Variants in POLQ observed in about 807,000 individuals in gnomAD.
The protein encoded by POLQ is DNA polymerase theta, also known as epididymis secretory sperm binding protein.
Under a neutral mutation model 259.2 loss-of-function variants are expected in POLQ, and 233 were observed. That is an observed-to-expected ratio of 0.90 (90% CI 0.81 to 1.00). The LOEUF (loss-of-function observed/expected upper bound fraction) is 1.00, where lower values mean the gene tolerates loss of function less well. Ranked by LOEUF, POLQ falls within the 50% of genes least tolerant of loss-of-function variation. The pLI is 0.00. For synonymous variants in POLQ, 1,025 were observed against 1,048.8 expected, an observed-to-expected ratio of 0.98 and a Z score of 0.44; for missense variants, 2,871 against 3,051.6, an observed-to-expected ratio of 0.94 and a Z score of 1.39.
chr3:121,532,947 A>T, intron 6 of POLQ, 43 bp downstream of exon 6: 1 of 1,223,092 alleles, frequency 8.2e-7, no homozygotes, highest in Non-Finnish European at 1.2e-6. Flanking sequence ...ATGAAATCAA[A>T]CACACAGATA....
At chr3:121,493,123 G>A (rs1244912876) in intron 15 of POLQ, among the ~76,000 whole-genome samples, 1 of 152,024 alleles carries the variant, frequency 6.6e-6, no homozygotes, top group African/African-American at 2.4e-5. Context: ...CCAACATGGT[G>A]AAACCCTGTC....
In POLQ at chr3:121,487,984, T is replaced by C; in HGVS notation, c.4947A>G (p.Val1649=). 2 of 1,612,018 alleles carry C rather than the reference T, an allele frequency of 1.2e-6. No homozygotes were observed. Among genetic ancestry groups the C allele is most frequent in the Non-Finnish European group, 1.7e-6 (2 of 1,179,296 alleles). Residue 1649 remains valine (V), a synonymous_variant, in exon 16 of 30, where the codon GTA becomes GTG. Coordinates refer to ENST00000264233, the MANE Select transcript of POLQ (RefSeq NM_199420.4). ...GCTTTTCATTTTCTAGAGGACTGGA[T>C]ACTTTATCTAAAATCCTTTGCAGTC... ...SPGLQRILDK[V]SSPLENEKLK... is the part of the protein sequence containing the mutation.
At chr3:121,536,061 T>C (rs2048448599) in intron 5 of POLQ, among the ~76,000 whole-genome samples, 1 of 152,168 alleles carries the variant, frequency 6.6e-6, no homozygotes, top group South Asian at 2.1e-4. Context: ...AGTAAGTATC[T>C]GGAAAACCAA....
rs758634996 is a variant in POLQ at position 121,544,820 on chromosome 3, A to G, written c.250T>C (p.Tyr84His). Residue 84 changes from tyrosine (Y) to histidine (H), a missense_variant, in exon 2 of 30, where the codon TAC becomes CAC. By Grantham distance (83) the Tyr-to-His change is moderately conservative. Around this residue, in one of 3 missense-constraint regions of POLQ, gnomAD observed 783 missense variants for 906.2 expected, o/e 0.86. Coordinates refer to ENST00000264233, the MANE Select transcript of POLQ (RefSeq NM_199420.4). ...WGLPKAVLEK[Y>H]HSFGVKKMFE... is the part of the protein sequence containing the mutation. ...ATCTTTTTTACACCAAAACTGTGGT[A>G]TTTTTCCAGAACTGCTTTAGGAAGT... 3.7e-6 allele frequency: 6 copies of G among 1,612,670 alleles called. No homozygotes were observed. Among genetic ancestry groups the G allele is most frequent in the South Asian group, 1.1e-5 (1 of 91,030 alleles).
At chr3:121,521,203 C>T (rs887337068) in intron 8 of POLQ, among the ~76,000 whole-genome samples, 2 of 152,054 alleles carry the variant, frequency 1.3e-5, no homozygotes, top group African/African-American at 4.8e-5. Flanking sequence ...CATGTCCTAC[C>T]ACCCAGGACA....
Position 121,519,538 on chromosome 3 carries a change from T to C in POLQ, c.1468+333A>G, listed in dbSNP as rs575179915. Among the ~76,000 whole-genome samples, 111 of 150,062 alleles carry C rather than the reference T, an allele frequency of 7.4e-4. 4 individuals carry two copies. The South Asian group carries it at 0.022, about 30-fold the overall frequency. ...AAAATACAAAAAAATTAGCCGGGCA[T>C]GGTGGCAGGCGCCTGTAGTCCCAGC... On this transcript the variant is annotated intron_variant, in intron 9 of 29. Coordinates refer to ENST00000264233, the MANE Select transcript of POLQ (RefSeq NM_199420.4).
chr3:121,472,305 T>C (rs2047890134), intron 21 of POLQ, 141 bp from the exon 22 acceptor site: 1 of 454,774 alleles, frequency 2.2e-6, no homozygotes, highest in East Asian at 3.1e-5. Flanking sequence ...TGGAGTTTTT[T>C]AAACCACCGT....
intron 25 of POLQ, among the ~76,000 whole-genome samples, chr3:121,452,913 C>G (rs1210151144): frequency 1.3e-5 from 2 of 152,230 alleles, no homozygotes; most frequent in Admixed American, 6.5e-5. Flanking sequence ...AGCTGGAGAT[C>G]TGAGAACAGG....
intron 7 of POLQ, among the ~76,000 whole-genome samples, chr3:121,526,663 A>C (rs1025978057): frequency 6.6e-6 from 1 of 152,302 alleles, no homozygotes; most frequent in Admixed American, 6.5e-5. Context: ...AATTCATACA[A>C]ATCACCAAAA....
intron 26 of POLQ, among the ~76,000 whole-genome samples, chr3:121,445,226 A>G (rs977369712): frequency 6.6e-6 from 1 of 152,190 alleles, no homozygotes; most frequent in Non-Finnish European, 1.5e-5. Flanking sequence ...CAGGGAAGCC[A>G]TTGAGTCCCA....
At chr3:121,520,316 G>A (rs1408904844) in intron 8 of POLQ, among the ~76,000 whole-genome samples, 6 of 151,990 alleles carry the variant, frequency 3.9e-5, no homozygotes, top group South Asian at 4.2e-4. Context: ...CAGGTGGATC[G>A]CTTGAGGTCA....
intron 24 of POLQ, among the ~76,000 whole-genome samples, chr3:121,464,659 A>C (rs184115534): frequency 1.3e-5 from 2 of 152,284 alleles, no homozygotes; most frequent in Admixed American, 6.5e-5. Flanking sequence ...CCACAAGTGG[A>C]AAGTTCCACA....
chr3:121,511,010 G>A (rs1284968082), intron 10 of POLQ, among the ~76,000 whole-genome samples: 3 of 151,902 alleles, frequency 2.0e-5, no homozygotes, highest in African/African-American at 4.8e-5. Context: ...GGCGGATCAC[G>A]AGGTCAGGAG....
chr3:121,494,437 G>C, intron 14 of POLQ: 1 of 1,536,492 alleles, frequency 6.5e-7, no homozygotes, highest in Non-Finnish European at 9.0e-7. Context: ...GGCAAGAGAA[G>C]AAGCAGAGGC....
At chr3:121,512,086 C>A in intron 9 of POLQ, 57 bp from the exon 10 acceptor site, 1 of 1,446,342 alleles carries the variant, frequency 6.9e-7, no homozygotes, top group Non-Finnish European at 9.5e-7. Context: ...AAGATATCTG[C>A]TAAAGAGATT....
In POLQ at chr3:121,488,119, A is replaced by T. The variant is rs1560096997; in HGVS notation, c.4812T>A (p.Gly1604=). ...SDPVLDEHHQ[G]DQDGGDQDER... ...CATCTTGATCTCCTCCATCTTGATC[A>T]CCTTGGTGGTGCTCATCAAGTACTG... The change falls in exon 16 of 30, where the codon GGT becomes GGA. Residue 1604 remains glycine (G), a synonymous_variant. Transcript: ENST00000264233. 1 of 1,613,250 alleles carries T rather than the reference A, an allele frequency of 6.2e-7. No homozygotes were observed. Among genetic ancestry groups the T allele is most frequent in the East Asian group, 2.2e-5 (1 of 44,866 alleles).
chr3:121,544,348 GA>G (rs371071510), intron 2 of POLQ, among the ~76,000 whole-genome samples: 3 of 144,712 alleles, frequency 2.1e-5, no homozygotes, highest in East Asian at 2.0e-4. Context: ...TCTATCTCAA[GA>G]AAAAAAAAAG....
intron 19 of POLQ, among the ~76,000 whole-genome samples, chr3:121,481,110 A>G (rs913743411): frequency 1.3e-5 from 2 of 152,272 alleles, no homozygotes; most frequent in Non-Finnish European, 2.9e-5. Flanking sequence ...CTGTTTGTTA[A>G]TAGTTCCAAA....
chr3:121,543,406 A>C (rs1315629090), intron 2 of POLQ, among the ~76,000 whole-genome samples: 4 of 152,250 alleles, frequency 2.6e-5, no homozygotes, highest in African/African-American at 9.6e-5. Flanking sequence ...CGAGGCACAC[A>C]TACTCACAAA....
Sources: allele counts gnomAD v4.1 joint callset (sites outside exome capture counted in the v4.1 genomes callset), GRCh38; gene constraint gnomAD v4.1.1; regional missense constraint gnomAD v4.1.1; transcripts MANE v1.5; gene names NCBI Gene and HGNC (gene_info 2026-07-23, HGNC 2026-07-21).